Variants in HNRNPK observed in about 807,000 individuals in gnomAD.
The protein encoded by HNRNPK is heterogeneous nuclear ribonucleoprotein K, also known as dC-stretch binding protein.
HNRNPK carries 7 observed loss-of-function variants against 67.0 expected under a neutral mutation model. The ratio of observed to expected loss-of-function variants is 0.10; its 90% confidence interval spans 0.06 to 0.20. The LOEUF is 0.20. Ranked by LOEUF, HNRNPK falls within the 10% of genes least tolerant of loss-of-function variation. The probability of loss-of-function intolerance (pLI) is 1.00; values close to 1 mark genes in which losing one functional copy is unlikely to be tolerated. For synonymous variants in HNRNPK, 213 were observed against 193.7 expected (o/e 1.10, Z -0.83); for missense variants, 264 against 606.5 (o/e 0.44, Z 5.93).
intron 12 of HNRNPK, 55 bp from the exon 13 acceptor site, chr9:83,971,411 GTTT>G (rs779309632): frequency 2.5e-6 from 3 of 1,197,676 alleles, no homozygotes; most frequent in Non-Finnish European, 3.7e-6. Context: ...TTATAGAGCT[GTTT>G]TTAATATGCC....
chr9:83,970,655 C>T, intron 15 of HNRNPK, 82 bp downstream of exon 15: 1 of 987,564 alleles, frequency 1.0e-6, no homozygotes, highest in Non-Finnish European at 1.6e-6. Context: ...TTTGTTAAAA[C>T]CTTCTGAATT....
chr9:83,971,775 A>T (rs773226899), intron 11 of HNRNPK, 49 bp from the exon 12 acceptor site: 2 of 1,597,686 alleles, frequency 1.3e-6, no homozygotes, highest in African/African-American at 2.7e-5. Flanking sequence ...CATGCCACAC[A>T]TATCAAATCA....
chr9:83,974,495 A>T (rs375834782), intron 7 of HNRNPK, 22 bp downstream of exon 7: 6 of 1,253,240 alleles, frequency 4.8e-6, no homozygotes, highest in Non-Finnish European at 6.9e-6. Context: ...TGTCAAATAC[A>T]TTTAAAAAAA....
intron 15 of HNRNPK, 166 bp from the exon 16 acceptor site, chr9:83,970,497 AC>A (rs1280962388): frequency 1.8e-5 from 12 of 658,646 alleles, no homozygotes; most frequent in Non-Finnish European, 2.6e-5. Flanking sequence ...TTTATGTCAC[AC>A]TTACTAATGT....
intron 8 of HNRNPK, 95 bp downstream of exon 8, chr9:83,973,807 T>G (rs1231592727): frequency 1.1e-6 from 1 of 912,940 alleles, no homozygotes; most frequent in Non-Finnish European, 1.8e-6. Context: ...AGCCTTTTTC[T>G]ATAGAGATGG....
rs751760538 is a variant in HNRNPK, at chr9:83,977,717, A to G, written c.128T>C (p.Val43Ala). ...FKRSRNTDEMVELRILLQSKN... is the reference protein window; with the variant it reads ...FKRSRNTDEMAELRILLQSKN... ...GCTCTGAAGCAGAATGCGTAATTCA[A>G]CCATCTCATCAGTGTTTCTAGATCT... The change falls in exon 4 of 17, where the codon GTT becomes GCT. Residue 43 changes from valine (V) to alanine (A), a missense_variant. Physicochemically the swap from Val to Ala is moderately conservative, Grantham distance 64 (BLOSUM62 0). Around this residue, in one of 6 missense-constraint regions of HNRNPK, gnomAD observed 9 missense variants for 62.3 expected, o/e 0.14. Transcript: ENST00000376263. 1 of 1,606,074 alleles carries G rather than the reference A, an allele frequency of 6.2e-7. No homozygotes were observed. The highest frequency in any genetic ancestry group is 8.5e-7 in the Non-Finnish European group (1 of 1,174,174).
Position 83,970,504 on chromosome 9 carries a change from A to G in HNRNPK, c.1192-173T>C, listed in dbSNP as rs935561327. 10 of 652,320 alleles carry G rather than the reference A, an allele frequency of 1.5e-5. No homozygotes were observed. In the African/African-American group the frequency reaches 1.6e-4, roughly 11 times the overall value. The allele number at this position is 652,320 out of a possible 1,614,324, so 40.4% of individuals were successfully genotyped here. ...ATAATGTATTTATGTCACACTTACT[A>G]ATGTTTCCCTTAGTTAGTTAAGGGC... On this transcript the variant is annotated intron_variant, in intron 15 of 16. Transcript: ENST00000376263.
chr9:83,974,343 T>C (rs1362121931), intron 7 of HNRNPK, among the ~76,000 whole-genome samples, 174 bp downstream of exon 7: 4 of 143,412 alleles, frequency 2.8e-5, no homozygotes, highest in African/African-American at 1.0e-4. Context: ...CTGTTTTTTT[T>C]TTTAAAAAAA....
intron 6 of HNRNPK, 162 bp from the exon 7 acceptor site, chr9:83,974,751 T>C: frequency 1.7e-6 from 1 of 593,990 alleles, no homozygotes; most frequent in Non-Finnish European, 3.0e-6. Flanking sequence ...CACATGCATT[T>C]TGTTTTATAC....
chr9:83,974,527 G>A lies in HNRNPK; in HGVS notation c.320C>T (p.Thr107Ile). 1 of 1,565,930 alleles carries A rather than the reference G, an allele frequency of 6.4e-7. No individual in the cohort carries two copies. The highest frequency in any genetic ancestry group is 8.8e-7 in the Non-Finnish European group (1 of 1,142,312). ...AAAAAATGAGCCTACCTCTTCCAAG[G>A]TAGGGATGATTTTCTTCAGAATTTC... ...IGEILKKIIP[T>I]LEEGLQLPSP... The change falls in exon 7 of 17, where the codon ACC becomes ATC. Residue 107 changes from threonine to isoleucine, a missense_variant. Thr to Ile is a moderately conservative substitution (Grantham distance 89, BLOSUM62 -1). Around this residue, in one of 6 missense-constraint regions of HNRNPK, gnomAD observed 39 missense variants for 54.4 expected, o/e 0.72. Transcript: ENST00000376263.
intron 1 of HNRNPK, among the ~76,000 whole-genome samples, chr9:83,978,734 A>C (rs1405402781): frequency 6.6e-6 from 1 of 152,250 alleles, no homozygotes; most frequent in Non-Finnish European, 1.5e-5. Flanking sequence ...CAAAACCCTG[A>C]AAAGATAAAT....
At chr9:83,973,191 G>A (rs1465172606) in intron 9 of HNRNPK, 95 bp downstream of exon 9, 1 of 828,404 alleles carries the variant, frequency 1.2e-6, no homozygotes, top group Non-Finnish European at 2.0e-6. Flanking sequence ...TCTTTGGAGG[G>A]AACTGAGAGG....
rs1443792596 is a variant in HNRNPK, at chr9:83,968,910, A to C, written c.*497T>G. ...TAAAAAAAAAATGACCACCAAAAATAGGTTCACTAAATTTATTTTAAAAAT... is the reference window on the plus strand; with the variant it reads ...TAAAAAAAAAATGACCACCAAAAATCGGTTCACTAAATTTATTTTAAAAAT... On this transcript the variant is annotated 3_prime_UTR_variant, in exon 17 of 17. Transcript: ENST00000376263. The C allele has an allele frequency of 1.9e-5, 3 of 155,484 alleles. No homozygotes were observed. Among genetic ancestry groups the C allele is most frequent in the Non-Finnish European group, 4.3e-5 (3 of 70,106 alleles). The allele number at this position is 155,484 out of a possible 1,614,324, so 9.6% of individuals were successfully genotyped here. A position where few individuals can be genotyped will look rare whatever the true frequency, so the allele number is the denominator to read the frequency against.
chr9:83,969,665 G>C (rs1956732790), intron 16 of HNRNPK: 1 of 611,368 alleles, frequency 1.6e-6, no homozygotes, highest in South Asian at 1.9e-5. Context: ...AAACGGAATT[G>C]AAAGTTGTTA....
chr9:83,977,184 A>G, intron 4 of HNRNPK, 133 bp from the exon 5 acceptor site: 1 of 653,376 alleles, frequency 1.5e-6, no homozygotes, highest in South Asian at 2.0e-5. Flanking sequence ...GGGTTGTAAA[A>G]ACGACCAGGC....
chr9:83,970,493 T>C, intron 15 of HNRNPK, 162 bp from the exon 16 acceptor site: 1 of 661,372 alleles, frequency 1.5e-6, no homozygotes, highest in Non-Finnish European at 2.6e-6. Flanking sequence ...TGTATTTATG[T>C]CACACTTACT....
Position 83,970,729 on chromosome 9 carries a change from A to G in HNRNPK, c.1191+8T>C, listed in dbSNP as rs1292871809. ...TAAAATGTTCCTGGTAGTATTAAAG[A>G]TACTTACATCTTTGGGAATAGTTAC... On this transcript the variant is annotated splice_region_variant and intron_variant, in intron 15 of 16. Transcript: ENST00000376263. 6.8e-7 allele frequency: 1 copy of G among 1,472,644 alleles called. No individual in the cohort carries two copies. The highest frequency in any genetic ancestry group is 1.2e-5 in the South Asian group (1 of 86,934). 91.2% of individuals were successfully genotyped at this position (1,472,644 alleles called of 1,614,324 possible).
chr9:83,973,064 A>ACC (rs140053931), intron 9 of HNRNPK, 92 bp from the exon 10 acceptor site: 1 of 913,112 alleles, frequency 1.1e-6, no homozygotes, highest in East Asian at 2.7e-5. Flanking sequence ...TCAACAATTA[A>ACC]CCCCCCACAA....
At position 83,971,885 on chromosome 9, in the gene HNRNPK, C is replaced by G. The variant is rs771055929; in HGVS notation, c.950G>C (p.Gly317Ala). Residue 317 changes from glycine (G) to alanine (A), a missense_variant, in exon 11 of 17, where the codon GGG becomes GCG. Gly to Ala is a moderately conservative substitution (Grantham distance 60). This residue lies in a region of HNRNPK where 142 missense variants were observed against 256.5 expected (regional missense o/e 0.55). Transcript: ENST00000376263. ...LPLPPPPPPR[G>A]GDLMAYDRRG... is the part of the protein sequence containing the mutation. Reference sequence around the variant, plus strand: ...AACAACAAAAAAAACAACTTACCCCCCTCTAGGTGGTGGTGGTGGAGGAAG... The same window carrying G: ...AACAACAAAAAAAACAACTTACCCCGCTCTAGGTGGTGGTGGTGGAGGAAG... 1 of 1,557,474 alleles carries G rather than the reference C, an allele frequency of 6.4e-7. No homozygotes were observed. Among genetic ancestry groups the G allele is most frequent in the Admixed American group, 2.0e-5 (1 of 50,412 alleles).
Sources: allele counts gnomAD v4.1 joint callset (sites outside exome capture counted in the v4.1 genomes callset), GRCh38; gene constraint gnomAD v4.1.1; regional missense constraint gnomAD v4.1.1; transcripts MANE v1.5; gene names NCBI Gene and HGNC (gene_info 2026-07-23, HGNC 2026-07-21).